Variants in ZFAND6 observed in about 807,000 individuals in gnomAD.
The protein encoded by ZFAND6 is AN1-type zinc finger protein 6.
A neutral mutation model predicts 24.5 loss-of-function variants in ZFAND6; 12 were observed. That is an observed-to-expected ratio of 0.49 (90% CI 0.31 to 0.79). The LOEUF is 0.79. ZFAND6 is among the 30% of genes least tolerant of loss of function. ZFAND6 has a pLI of 0.04. For synonymous variants in ZFAND6, 92 were observed against 81.5 expected (o/e 1.13, Z -0.69); for missense variants, 207 against 245.9 (o/e 0.84, Z 1.06).
intron 1 of ZFAND6, among the ~76,000 whole-genome samples, chr15:80,090,558 C>T (rs1164985503): frequency 6.6e-6 from 1 of 152,222 alleles, no homozygotes; most frequent in Non-Finnish European, 1.5e-5. Context: ...TTCTGACTTA[C>T]CTACTAGCTC....
At chr15:80,077,720 G>A (rs1348526854) in intron 1 of ZFAND6, among the ~76,000 whole-genome samples, 1 of 117,884 alleles carries the variant, frequency 8.5e-6, no homozygotes, top group Admixed American at 9.3e-5. Context: ...TTTTTTTGGA[G>A]ACAGAGTCTC....
chr15:80,119,029 T>TA (rs747519455), intron 2 of ZFAND6, among the ~76,000 whole-genome samples: 14 of 152,202 alleles, frequency 9.2e-5, no homozygotes, highest in Non-Finnish European at 2.1e-4. Context: ...CTGTAATACA[T>TA]ATACACCCAT....
At chr15:80,065,001 CCTTTTT>C (rs2036540423) in intron 1 of ZFAND6, among the ~76,000 whole-genome samples, 1 of 133,550 alleles carries the variant, frequency 7.5e-6, no homozygotes, top group Non-Finnish European at 1.6e-5. Context: ...TCTCTCTCCC[CCTTTTT>C]TTTTTTTTTT....
intron 2 of ZFAND6, among the ~76,000 whole-genome samples, chr15:80,119,832 A>T (rs1182007604): frequency 1.3e-5 from 2 of 152,238 alleles, no homozygotes; most frequent in Non-Finnish European, 2.9e-5. Context: ...ACAAGCATTC[A>T]GCCCAGTTCT....
At chr15:80,121,986 C>T (rs1458274298) in intron 4 of ZFAND6, among the ~76,000 whole-genome samples, 166 bp downstream of exon 4, 1 of 152,102 alleles carries the variant, frequency 6.6e-6, no homozygotes, top group Non-Finnish European at 1.5e-5. Context: ...CTTGCTTTTA[C>T]CTTGAGGGAT....
rs563737529 is a variant in ZFAND6, at chr15:80,116,037, C to A, written c.-17-4291C>A. Among the ~76,000 whole-genome samples the A allele has an allele frequency of 2.6e-5, 4 of 151,756 alleles. No homozygotes were observed. In the South Asian group the frequency reaches 8.3e-4, roughly 32 times the overall value. Reference sequence around the variant, plus strand: ...AGTATAGCATAGTTGGTGGTTTAGACCCGAGTTCCTCAGTCTTTTTTCTCT... The same window carrying A: ...AGTATAGCATAGTTGGTGGTTTAGAACCGAGTTCCTCAGTCTTTTTTCTCT... On this transcript the variant is annotated intron_variant, in intron 2 of 6. Coordinates refer to ENST00000261749, the MANE Select transcript of ZFAND6 (RefSeq NM_019006.4).
At chr15:80,083,385 G>A (rs1342037932) in intron 1 of ZFAND6, among the ~76,000 whole-genome samples, 2 of 152,118 alleles carry the variant, frequency 1.3e-5, no homozygotes, top group Non-Finnish European at 2.9e-5. Flanking sequence ...AGCAACTACT[G>A]GGTGCTATGC....
intron 1 of ZFAND6, among the ~76,000 whole-genome samples, chr15:80,097,757 G>T (rs544524595): frequency 3.6e-4 from 54 of 151,988 alleles, no homozygotes; most frequent in Non-Finnish European, 5.6e-4. Context: ...GAGAAACAAA[G>T]ATTTTTATCT....
intron 1 of ZFAND6, among the ~76,000 whole-genome samples, chr15:80,064,342 C>T (rs1220213740): frequency 6.6e-6 from 1 of 152,088 alleles, no homozygotes; most frequent in African/African-American, 2.4e-5. Context: ...TCTTGTATAT[C>T]TTTACCAGCA....
At chr15:80,108,001 TCACTTA>T (rs2141970696) in intron 2 of ZFAND6, among the ~76,000 whole-genome samples, 1 of 152,196 alleles carries the variant, frequency 6.6e-6, no homozygotes, top group East Asian at 1.9e-4. Flanking sequence ...TCCCAGCTCC[TCACTTA>T]CTAGCTGTGT....
chr15:80,114,036 A>G (rs1222401498), intron 2 of ZFAND6, among the ~76,000 whole-genome samples: 1 of 152,136 alleles, frequency 6.6e-6, no homozygotes, highest in Admixed American at 6.5e-5. Context: ...AAAAAGGCGC[A>G]ATATGAGCTA....
At chr15:80,137,428 G>T (rs1279585921) in intron 6 of ZFAND6, 52 bp from the exon 7 acceptor site, 9 of 1,562,412 alleles carry the variant, frequency 5.8e-6, no homozygotes, top group South Asian at 2.5e-5. Context: ...TTATGCCAAA[G>T]ACCTTAATAT....
intron 5 of ZFAND6, among the ~76,000 whole-genome samples, chr15:80,128,025 T>TA (rs760095323): frequency 4.8e-4 from 73 of 152,238 alleles, no homozygotes; most frequent in Non-Finnish European, 8.2e-4. Flanking sequence ...GAAATTCTGA[T>TA]ACATGCCACA....
chr15:80,135,579 G>A (rs1385842257), intron 6 of ZFAND6, among the ~76,000 whole-genome samples: 1 of 152,230 alleles, frequency 6.6e-6, no homozygotes, highest in Admixed American at 6.5e-5. Context: ...GCTTTAGGAA[G>A]ATTATTTCTG....
chr15:80,065,523 T>A (rs554560744), intron 1 of ZFAND6, among the ~76,000 whole-genome samples: 10 of 148,012 alleles, frequency 6.8e-5, no homozygotes, highest in Admixed American at 2.8e-4. Flanking sequence ...GGCTTCAAAT[T>A]AGTTTTGGTT....
chr15:80,110,288 A>G (rs565802596), intron 2 of ZFAND6, among the ~76,000 whole-genome samples: 8 of 152,340 alleles, frequency 5.3e-5, no homozygotes, highest in Non-Finnish European at 7.4e-5. Context: ...GGCTGGAACA[A>G]ACAGACAGAA....
intron 2 of ZFAND6, among the ~76,000 whole-genome samples, chr15:80,109,808 G>A (rs1230442648): frequency 6.6e-6 from 1 of 152,180 alleles, no homozygotes; most frequent in Non-Finnish European, 1.5e-5. Flanking sequence ...GTTATCAATT[G>A]CTGCATAAGA....
chr15:80,097,631 C>T (rs562151971), intron 1 of ZFAND6, among the ~76,000 whole-genome samples: 2 of 151,200 alleles, frequency 1.3e-5, no homozygotes, highest in Non-Finnish European at 2.9e-5. Context: ...CCAGCCTGGG[C>T]AACAAGAACG....
chr15:80,105,876 G>T (rs1200013484), intron 2 of ZFAND6, among the ~76,000 whole-genome samples: 1 of 152,072 alleles, frequency 6.6e-6, no homozygotes, highest in African/African-American at 2.4e-5. Context: ...ATCATTTCTG[G>T]CATCCATTTT....
Sources: allele counts gnomAD v4.1 joint callset (sites outside exome capture counted in the v4.1 genomes callset), GRCh38; gene constraint gnomAD v4.1.1; transcripts MANE v1.5; gene names NCBI Gene and HGNC (gene_info 2026-07-23, HGNC 2026-07-21).